The following CLYBL variants were observed in gnomAD, a reference collection of about 807,000 sequenced individuals.
The protein encoded by CLYBL is citramalyl-CoA lyase, mitochondrial.
A neutral mutation model predicts 38.9 loss-of-function variants in CLYBL; 31 were observed. The observed-to-expected ratio is 0.80, with a 90% CI of 0.60 to 1.08. The LOEUF (loss-of-function observed/expected upper bound fraction) is 1.08, where lower values mean the gene tolerates loss of function less well. Ranked by LOEUF, CLYBL falls within the 50% of genes least tolerant of loss-of-function variation. CLYBL has a pLI of 0.00. For missense variants in CLYBL, 434 were observed against 411.6 expected (o/e 1.05, Z -0.47); for synonymous variants, 171 against 158.6 (o/e 1.08, Z -0.59).
downstream of CLYBL, chr13:99,895,933 T>C (rs955315760): frequency 4.6e-5 from 7 of 152,006 alleles, no homozygotes; most frequent in Non-Finnish European, 8.8e-5. Context: ...CCACTGTAAG[T>C]GACCGGCTGG....
At chr13:99,797,051 G>A (rs2050035849) in intron 2 of CLYBL, among the ~76,000 whole-genome samples, 1 of 152,194 alleles carries the variant, frequency 6.6e-6, no homozygotes, top group Admixed American at 6.5e-5. Context: ...TATGGTAGCT[G>A]TTATTAATTT....
chr13:99,878,109 T>A (rs1054594555), intron 7 of CLYBL, among the ~76,000 whole-genome samples: 1 of 152,182 alleles, frequency 6.6e-6, no homozygotes, highest in Non-Finnish European at 1.5e-5. Context: ...TTTAGCTAAC[T>A]GGTTTCCAAA....
At chr13:99,644,248 G>A (rs938654622) in intron 1 of CLYBL, among the ~76,000 whole-genome samples, 1 of 151,728 alleles carries the variant, frequency 6.6e-6, no homozygotes, top group African/African-American at 2.4e-5. Flanking sequence ...GTATGTATAT[G>A]TGGTGTATGT....
chr13:99,641,330 C>T (rs1438310625), intron 1 of CLYBL, among the ~76,000 whole-genome samples: 1 of 152,200 alleles, frequency 6.6e-6, no homozygotes, highest in African/African-American at 2.4e-5. Flanking sequence ...CATTGTGCAT[C>T]TTCCCATTAT....
chr13:99,816,328 C>T (rs1204021674), intron 2 of CLYBL, among the ~76,000 whole-genome samples: 3 of 152,216 alleles, frequency 2.0e-5, no homozygotes, highest in Non-Finnish European at 4.4e-5. Context: ...AAGCTTACCA[C>T]CAAATGATAT....
intron 2 of CLYBL, among the ~76,000 whole-genome samples, chr13:99,792,212 G>A (rs1214467877): frequency 1.3e-5 from 2 of 152,192 alleles, no homozygotes; most frequent in African/African-American, 2.4e-5. Flanking sequence ...GTCCAGAGAA[G>A]GCAGCACCAT....
At chr13:99,617,221 A>G (rs2046724752) in intron 1 of CLYBL, among the ~76,000 whole-genome samples, 1 of 152,152 alleles carries the variant, frequency 6.6e-6, no homozygotes, top group East Asian at 1.9e-4. Context: ...CCCCAGTAAA[A>G]TGAGGGTCTT....
chr13:99,799,674 G>C (rs1252198568), intron 2 of CLYBL, among the ~76,000 whole-genome samples: 1 of 152,182 alleles, frequency 6.6e-6, no homozygotes, highest in Non-Finnish European at 1.5e-5. Flanking sequence ...TAATTGTGTT[G>C]GAAGCAGGGA....
chr13:99,622,983 C>T (rs1452449733), intron 1 of CLYBL, among the ~76,000 whole-genome samples: 2 of 152,104 alleles, frequency 1.3e-5, no homozygotes, highest in South Asian at 4.1e-4. Flanking sequence ...CAGGCACCCA[C>T]CACCACACCT....
chr13:99,676,130 A>G (rs1427296175), intron 1 of CLYBL, among the ~76,000 whole-genome samples: 2 of 151,924 alleles, frequency 1.3e-5, no homozygotes, highest in Admixed American at 6.5e-5. Context: ...TGCTGGGATT[A>G]CAGGCGTGAG....
intron 2 of CLYBL, among the ~76,000 whole-genome samples, chr13:99,773,433 A>G (rs2049443008): frequency 6.6e-6 from 1 of 152,172 alleles, no homozygotes; most frequent in African/African-American, 2.4e-5. Context: ...TTATGGCCTA[A>G]GCTCTGCCTC....
chr13:99,672,347 C>T (rs2047578539), intron 1 of CLYBL, among the ~76,000 whole-genome samples: 2 of 151,996 alleles, frequency 1.3e-5, no homozygotes, highest in African/African-American at 4.8e-5. Context: ...GCTGAGACAA[C>T]AGGCATGCAC....
At chr13:99,640,776 T>G (rs1302853560) in intron 1 of CLYBL, among the ~76,000 whole-genome samples, 1 of 152,258 alleles carries the variant, frequency 6.6e-6, no homozygotes, top group Non-Finnish European at 1.5e-5. Flanking sequence ...GTGCCCCTGC[T>G]CTTTTGTCTT....
chr13:99,789,026 T>C (rs1367545695), intron 2 of CLYBL, among the ~76,000 whole-genome samples: 1 of 152,202 alleles, frequency 6.6e-6, no homozygotes, highest in Non-Finnish European at 1.5e-5. Flanking sequence ...TAGTTTGTAT[T>C]TCTGTGGGAT....
chr13:99,754,333 C>G (rs1172121764), intron 1 of CLYBL, among the ~76,000 whole-genome samples: 4 of 147,624 alleles, frequency 2.7e-5, no homozygotes, highest in Non-Finnish European at 1.5e-5. Context: ...GGGAGGGTCA[C>G]CTGAGTCAGG....
At chr13:99,687,557 G>A (rs1439106885) in intron 1 of CLYBL, among the ~76,000 whole-genome samples, 2 of 152,180 alleles carry the variant, frequency 1.3e-5, no homozygotes, top group African/African-American at 2.4e-5. Flanking sequence ...TCTACAGGAA[G>A]GAAGTAGTAT....
intron 1 of CLYBL, among the ~76,000 whole-genome samples, chr13:99,651,595 T>G (rs2047254092): frequency 6.6e-6 from 1 of 150,600 alleles, no homozygotes. Context: ...AAATATTTTT[T>G]GAGTGAAATG....
intron 1 of CLYBL, among the ~76,000 whole-genome samples, chr13:99,638,334 T>A (rs1414867853): frequency 6.6e-6 from 1 of 152,230 alleles, no homozygotes; most frequent in Non-Finnish European, 1.5e-5. Context: ...TTTGCATTTC[T>A]TTTTACTAAT....
chr13:99,701,789 C>T (rs947991998), intron 1 of CLYBL, among the ~76,000 whole-genome samples: 1 of 152,188 alleles, frequency 6.6e-6, no homozygotes, highest in African/African-American at 2.4e-5. Context: ...ATTCTCCTGC[C>T]TCAGCTTCCC....
Sources: gnomAD v4.1 joint callset for allele counts (sites outside exome capture counted in the v4.1 genomes callset) on GRCh38, gnomAD v4.1.1 for gene constraint, MANE v1.5 for transcripts, NCBI Gene and HGNC (gene_info 2026-07-23, HGNC 2026-07-21) for gene names.